PPL: variants seen among roughly 807,000 people sequenced by gnomAD.
PPL encodes the protein periplakin.
A neutral mutation model predicts 194.4 loss-of-function variants in PPL; 198 were observed. The ratio of observed to expected loss-of-function variants is 1.02; its 90% CI spans 0.91 to 1.15. The LOEUF (loss-of-function observed/expected upper bound fraction) is 1.15, where lower values mean the gene tolerates loss of function less well. PPL is among the 50% of genes most tolerant of loss of function. The pLI, the probability that PPL is intolerant of heterozygous loss-of-function variation, is 0.00. For synonymous variants in PPL, 1,220 were observed against 972.4 expected, an observed-to-expected ratio of 1.25 and a Z score of -4.74; for missense variants, 2,885 against 2,294.8, an observed-to-expected ratio of 1.26 and a Z score of -5.25.
At chr16:4,894,301 C>T (rs1359682089) in intron 12 of PPL, among the ~76,000 whole-genome samples, 166 bp downstream of exon 12, 2 of 152,180 alleles carry the variant, frequency 1.3e-5, no homozygotes, top group Non-Finnish European at 2.9e-5. Flanking sequence ...AGCTGGCCCA[C>T]AATCTGCCCC....
At chr16:4,916,710 G>T (rs1361394110) in intron 1 of PPL, among the ~76,000 whole-genome samples, 1 of 150,696 alleles carries the variant, frequency 6.6e-6, no homozygotes, top group Non-Finnish European at 1.5e-5. Context: ...TCGCCATGTT[G>T]CCCCAGCTGG....
At chr16:4,894,371 C>A in intron 12 of PPL, 96 bp downstream of exon 12, 1 of 1,504,554 alleles carries the variant, frequency 6.6e-7, no homozygotes, top group East Asian at 2.3e-5. Context: ...CCGCGCTCCC[C>A]ACAGGCTGAG....
intron 13 of PPL, 66 bp downstream of exon 13, chr16:4,893,475 A>G: frequency 1.3e-6 from 2 of 1,598,594 alleles, no homozygotes; most frequent in Non-Finnish European, 1.7e-6. Flanking sequence ...TCCACAGCAC[A>G]GACCCTGGTC....
Position 4,883,799 on chromosome 16 carries a change from A to G in PPL, c.4856T>C (p.Leu1619Pro), listed in dbSNP as rs770233151. The part of the protein sequence containing the change: ...DSRLWSLERE[L>P]DDLKRLSKDK... The stretch of plus-strand genomic sequence containing the variant: ...CTTGGAGAGCCTCTTGAGGTCATCC[A>G]GTTCCCTCTCCAGGGACCACAGTCT... The change falls in exon 22 of 22, where the codon CTG becomes CCG. Residue 1619 changes from leucine to proline, a missense_variant. Transcript: ENST00000345988. This position sits in a 1 kb window ranked among gnomAD's most constrained non-coding sequence, Gnocchi z 4.8. 6.2e-7 allele frequency: 1 copy of G among 1,614,156 alleles called. No homozygotes were observed. The highest frequency in any genetic ancestry group is 1.1e-5 in the South Asian group (1 of 91,086).
Position 4,907,391 on chromosome 16 carries a change from T to C in PPL, c.163-3351A>G, listed in dbSNP as rs571459579. Among the ~76,000 whole-genome samples the C allele has an allele frequency of 2.9e-4, 44 of 151,800 alleles. 3 individuals carry two copies. Among genetic ancestry groups the C allele is most frequent in the African/African-American group, 9.7e-4 (40 of 41,326 alleles). On this transcript the variant is annotated intron_variant, in intron 2 of 21. Coordinates refer to ENST00000345988, the MANE Select transcript of PPL (RefSeq NM_002705.5). The stretch of plus-strand genomic sequence containing the variant: ...ATGATAAAGCCAATTCAGCAGACGT[T>C]CCTTGTAGGATCAGGTGGTGGGATA...
Position 4,885,063 on chromosome 16 carries a change from G to T in PPL, c.3592C>A (p.Gln1198Lys). ...VANLRLELVE[Q>K]ERKYRGAEEQ... The stretch of plus-strand genomic sequence containing the variant: ...TCGGCACCCCGGTACTTTCGCTCCT[G>T]CTCCACAAGCTCCAGGCGGAGGTTC... The change falls in exon 22 of 22, where the codon CAG (glutamine) becomes AAG (lysine). Residue 1198 changes from glutamine (Q) to lysine (K), a missense_variant. Gln to Lys is a moderately conservative substitution (Grantham distance 53, BLOSUM62 1). Coordinates refer to ENST00000345988, the MANE Select transcript of PPL (RefSeq NM_002705.5). The surrounding 1 kb of genome is among the most constrained non-coding windows in gnomAD (Gnocchi z 6.3). The T allele has an allele frequency of 6.2e-7, 1 of 1,613,592 alleles. No homozygotes were observed. Among genetic ancestry groups the T allele is most frequent in the African/African-American group, 1.3e-5 (1 of 75,016 alleles).
intron 1 of PPL, among the ~76,000 whole-genome samples, chr16:4,931,085 T>G (rs2939961): frequency 1.3e-5 from 2 of 152,284 alleles, no homozygotes; most frequent in African/African-American, 4.8e-5. Context: ...GGAAAGGGCC[T>G]GCGTGCAGTG....
chr16:4,893,605 C>T lies in PPL; in HGVS notation c.1428G>A (p.Lys476=), dbSNP rs1359957867. Reference sequence around the variant, plus strand: ...GCAGCGTGCGTTTGCTCCCAGCTGCCTTCTGCCGCACGCTCCGGTACTGGC... The same window carrying T: ...GCAGCGTGCGTTTGCTCCCAGCTGCTTTCTGCCGCACGCTCCGGTACTGGC... ...LGSQYRSVRQ[K]AAGSKRTLQQ... The change falls in exon 13 of 22, where the codon AAG becomes AAA. Residue 476 remains lysine, a synonymous_variant. Transcript: ENST00000345988. 1 of 1,608,528 alleles carries T rather than the reference C, an allele frequency of 6.2e-7. No individual in the cohort carries two copies. Among genetic ancestry groups the T allele is most frequent in the Non-Finnish European group, 8.5e-7 (1 of 1,178,896 alleles).
chr16:4,890,094 C>T (rs1490853569), intron 18 of PPL, 90 bp downstream of exon 18: 3 of 1,595,630 alleles, frequency 1.9e-6, no homozygotes, highest in East Asian at 4.5e-5. Flanking sequence ...GCTCCACCTC[C>T]CAAAGGCTTG....
intron 1 of PPL, among the ~76,000 whole-genome samples, chr16:4,926,364 C>G (rs1200077399): frequency 2.6e-5 from 4 of 152,220 alleles, no homozygotes; most frequent in African/African-American, 9.7e-5. Context: ...GCCCTGGCAA[C>G]AGGCCCTTCA....
At chr16:4,904,903 C>T (rs1189622609) in intron 2 of PPL, among the ~76,000 whole-genome samples, 2 of 152,210 alleles carry the variant, frequency 1.3e-5, no homozygotes, top group East Asian at 1.9e-4. Flanking sequence ...TGGAAGGGGC[C>T]GTCGATGGTT....
In PPL at chr16:4,893,167, G is replaced by A. The variant is rs541397294; in HGVS notation, c.1650+46C>T. On this transcript the variant is annotated intron_variant, in intron 14 of 21. Coordinates refer to ENST00000345988, the MANE Select transcript of PPL (RefSeq NM_002705.5). Reference sequence around the variant, plus strand: ...CTCAAATAGGGGCCCCAGGGGGCCAGTGCAGGGCTCCCCCGGCCCCACCTG... The same window carrying A: ...CTCAAATAGGGGCCCCAGGGGGCCAATGCAGGGCTCCCCCGGCCCCACCTG... 92 of 1,482,268 alleles carry A rather than the reference G, an allele frequency of 6.2e-5. No homozygotes were observed. In the African/African-American group the frequency reaches 1.1e-3, roughly 18 times the overall value. 91.8% of individuals were successfully genotyped at this position (1,482,268 alleles called of 1,614,324 possible).
At chr16:4,887,319 A>G (rs956242656) in intron 20 of PPL, 92 bp from the exon 21 acceptor site, 3 of 976,552 alleles carry the variant, frequency 3.1e-6, no homozygotes, top group Non-Finnish European at 4.9e-6. Context: ...GGTTCTTGAG[A>G]AGTGTGGAAT....
At chr16:4,893,004 A>C in intron 14 of PPL, 1 of 582,422 alleles carries the variant, frequency 1.7e-6, no homozygotes, top group Non-Finnish European at 2.8e-6. Context: ...GAACAATGCA[A>C]GTCCTGCCAG....
rs148653123 is a variant in PPL, at chr16:4,902,171, G to A, written c.438+235C>T. ...TGGGACCCAGGAGCAGCAGCGAGGT[G>A]TGGCTGACAGGGGACAGAGTCCGAA... On this transcript the variant is annotated intron_variant, in intron 4 of 21. Transcript: ENST00000345988. This position sits in a 1 kb window ranked among gnomAD's most constrained non-coding sequence, Gnocchi z 4.0. 1.3e-5 allele frequency among the ~76,000 whole-genome samples: 2 copies of A among 152,300 alleles called. No individual in the cohort carries two copies. Among genetic ancestry groups the A allele is most frequent in the African/African-American group, 4.8e-5 (2 of 41,564 alleles).
Position 4,895,253 on chromosome 16 carries a change from C to G in PPL, c.1242+8G>C. ...AGTGATGTGAACAGAGGAGCTGGCCCCACGCACCTGCTCCCCCTCAAAGTC... is the reference window on the plus strand; with the variant it reads ...AGTGATGTGAACAGAGGAGCTGGCCGCACGCACCTGCTCCCCCTCAAAGTC... On this transcript the variant is annotated splice_region_variant and intron_variant, in intron 11 of 21. Coordinates refer to ENST00000345988, the MANE Select transcript of PPL (RefSeq NM_002705.5). 6.3e-7 allele frequency: 1 copy of G among 1,597,320 alleles called. No homozygotes were observed. The highest frequency in any genetic ancestry group is 8.5e-7 in the Non-Finnish European group (1 of 1,171,182).
At chr16:4,893,181 C>A in intron 14 of PPL, 32 bp downstream of exon 14, 1 of 1,504,024 alleles carries the variant, frequency 6.6e-7, no homozygotes, top group Non-Finnish European at 8.9e-7. Context: ...AGGGCTCCCC[C>A]GGCCCCACCT....
chr16:4,895,419 G>C lies in PPL; in HGVS notation c.1096-12C>G, dbSNP rs780861273. The stretch of plus-strand genomic sequence containing the variant: ...ACCTTCTCCTGGTCCTGGAGAGAAC[G>C]GGGTCAGGGGCCCAGGTGAGACCAA... On this transcript the variant is annotated splice_polypyrimidine_tract_variant and intron_variant, in intron 10 of 21. Coordinates refer to ENST00000345988, the MANE Select transcript of PPL (RefSeq NM_002705.5). 24 of 1,611,612 alleles carry C rather than the reference G, an allele frequency of 1.5e-5. 1 individual carries two copies. The South Asian group carries it at 1.8e-4, about 12-fold the overall frequency.
intron 1 of PPL, among the ~76,000 whole-genome samples, chr16:4,912,769 C>T (rs1476784291): frequency 2.0e-5 from 3 of 152,162 alleles, no homozygotes; most frequent in African/African-American, 7.2e-5. Context: ...GCCGTGGTGG[C>T]GTCAGGCCCA....
Sources: gnomAD v4.1 joint callset for allele counts (sites outside exome capture counted in the v4.1 genomes callset) on GRCh38, gnomAD v4.1.1 for gene constraint, Gnocchi (gnomAD v3.1) non-coding constraint, MANE v1.5 for transcripts, NCBI Gene and HGNC (gene_info 2026-07-23, HGNC 2026-07-21) for gene names.